DLEC1: variants seen among roughly 807,000 people sequenced by gnomAD.
DLEC1 encodes the protein deleted in lung and esophageal cancer protein 1.
DLEC1 carries 146 observed loss-of-function variants against 198.1 expected under a neutral mutation model. That is an observed-to-expected ratio of 0.74 (90% CI 0.64 to 0.85). DLEC1 has a LOEUF of 0.85. Among genes scored for constraint, DLEC1 ranks in the 40% least tolerant of loss-of-function variants. DLEC1 has a pLI of 0.00. For missense variants in DLEC1, 2,233 were observed against 2,220.0 expected, an observed-to-expected ratio of 1.01 and a Z score of -0.12; for synonymous variants, 897 against 866.8, an observed-to-expected ratio of 1.03 and a Z score of -0.61.
At chr3:38,061,055 G>A (rs763358526) in intron 3 of DLEC1, among the ~76,000 whole-genome samples, 19 of 152,214 alleles carry the variant, frequency 1.2e-4, no homozygotes, top group Non-Finnish European at 2.1e-4. Flanking sequence ...GGGCTAACAT[G>A]TATTGAGAGT....
intron 1 of DLEC1, among the ~76,000 whole-genome samples, chr3:38,042,206 T>G (rs950406493): frequency 2.0e-5 from 3 of 152,122 alleles, no homozygotes; most frequent in Non-Finnish European, 4.4e-5. Flanking sequence ...TTGGCCAGGC[T>G]GGTCTCCAAC....
Position 38,122,339 on chromosome 3 carries a change from A to C in DLEC1, c.5195A>C (p.Glu1732Ala). Reference protein sequence around the residue: ...STMVVEGVLGEKSCTLRLRGQ... With the variant: ...STMVVEGVLGAKSCTLRLRGQ... Reference sequence around the variant, plus strand: ...ATGGTGGTGGAAGGTGTGCTCGGTGAGAAGTCCTGCACCCTGCGGCTCCGG... The same window carrying C: ...ATGGTGGTGGAAGGTGTGCTCGGTGCGAAGTCCTGCACCCTGCGGCTCCGG... Residue 1732 changes from glutamate to alanine, a missense_variant, in exon 37 of 37, where the codon GAG becomes GCG. Glu to Ala is a moderately radical substitution (Grantham distance 107). Coordinates refer to ENST00000308059, the MANE Select transcript of DLEC1 (RefSeq NM_007335.4). The C allele has an allele frequency of 6.2e-7, 1 of 1,614,124 alleles. No homozygotes were observed. The highest frequency in any genetic ancestry group is 8.5e-7 in the Non-Finnish European group (1 of 1,180,022).
chr3:38,052,394 C>T (rs547685762), intron 2 of DLEC1: 6 of 267,570 alleles, frequency 2.2e-5, no homozygotes, highest in Admixed American at 8.3e-5. Context: ...TGGAATGGTT[C>T]GGATAGGTGC....
chr3:38,064,962 C>G (rs1322200076), intron 6 of DLEC1, among the ~76,000 whole-genome samples: 1 of 152,206 alleles, frequency 6.6e-6, no homozygotes, highest in Non-Finnish European at 1.5e-5. Context: ...GCTGCAAACT[C>G]AGCACTTTGG....
At chr3:38,084,371 A>AGTGATGGTGGTAGTAGTG in intron 7 of DLEC1, 126 bp downstream of exon 7, 1 of 680,638 alleles carries the variant, frequency 1.5e-6, no homozygotes, top group Non-Finnish European at 2.2e-6. Context: ...TAGTAGTAGT[A>AGTGATGGTGGTAGTAGTG]GTGATGGTGG....
chr3:38,082,718 C>T (rs1322796625), intron 6 of DLEC1, among the ~76,000 whole-genome samples: 1 of 151,342 alleles, frequency 6.6e-6, no homozygotes, highest in East Asian at 1.9e-4. Context: ...GGGTACTTGC[C>T]CCTCCCCCAG....
At chr3:38,084,875 C>T (rs1378401327) in intron 7 of DLEC1, among the ~76,000 whole-genome samples, 1 of 152,120 alleles carries the variant, frequency 6.6e-6, no homozygotes, top group East Asian at 1.9e-4. Flanking sequence ...CTCTATTCCT[C>T]ACTTAAGCCT....
chr3:38,110,799 TACAC>T (rs377461224), intron 23 of DLEC1, among the ~76,000 whole-genome samples: 1 of 151,634 alleles, frequency 6.6e-6, no homozygotes, highest in Non-Finnish European at 1.5e-5. Context: ...CACGTACATA[TACAC>T]ACACATGCAT....
chr3:38,062,325 A>AT lies in DLEC1; in HGVS notation c.833dup (p.Leu278PhefsTer4). 6.2e-7 allele frequency: 1 copy of AT among 1,614,218 alleles called. No homozygotes were observed. Among genetic ancestry groups the AT allele is most frequent in the Non-Finnish European group, 8.5e-7 (1 of 1,180,036 alleles). ...CACACTGTGGACAGCCTGACATGGA[A>AT]TTTAACTCCTAAGGCCAAAGAAAGG... is the stretch of plus-strand genomic sequence containing the variant. On this transcript the variant is annotated frameshift_variant, in exon 4 of 37. Transcript: ENST00000308059. LOFTEE classifies it high-confidence loss of function.
chr3:38,045,632 T>C lies in DLEC1; in HGVS notation c.501T>C (p.Asn167=), dbSNP rs7630340. The C allele has an allele frequency of 0.056, 90,592 of 1,613,854 alleles. 2,822 individuals are homozygous for C. Among genetic ancestry groups the C allele is most frequent in the Middle Eastern group, 0.14 (828 of 6,060 alleles). ...CCCAAGCACGGGCTATTGCGGAAAA[T>C]GAGCGGGTCATGAGCCAGGCTGGAG... is the stretch of plus-strand genomic sequence containing the variant. ...TQAQARAIAE[N]ERVMSQAGVQ... The change falls in exon 2 of 37, where the codon AAT becomes AAC. Residue 167 remains asparagine, a synonymous_variant. Transcript: ENST00000308059.
chr3:38,091,669 C>A, intron 10 of DLEC1, among the ~76,000 whole-genome samples: 1 of 151,920 alleles, frequency 6.6e-6, no homozygotes. Context: ...AGCAAGAAAA[C>A]AACCTGCTTT....
In DLEC1 at chr3:38,117,285, C is replaced by G; in HGVS notation, c.4383C>G (p.Ser1461Arg). The change falls in exon 31 of 37, where the codon AGC (serine) becomes AGG (arginine). Residue 1461 changes from serine (S) to arginine (R), a missense_variant. Transcript: ENST00000308059. Reference sequence around the variant, plus strand: ...GACCCCTGAAACTGGACCTGCATAGCTACGTGAGGCCTGCACAGTGAGTCA... The same window carrying G: ...GACCCCTGAAACTGGACCTGCATAGGTACGTGAGGCCTGCACAGTGAGTCA... The part of the protein sequence containing the change: ...AVGPLKLDLH[S>R]YVRPAQLSVE... 3 of 1,614,128 alleles carry G rather than the reference C, an allele frequency of 1.9e-6. No homozygotes were observed. Among genetic ancestry groups the G allele is most frequent in the Non-Finnish European group, 2.5e-6 (3 of 1,179,986 alleles).
chr3:38,097,533 T>TTGAACTTTAC lies in DLEC1; in HGVS notation c.2464_2473dup (p.Gly825GlufsTer17). On this transcript the variant is annotated frameshift_variant, in exon 17 of 37. Coordinates refer to ENST00000308059, the MANE Select transcript of DLEC1 (RefSeq NM_007335.4). LOFTEE classifies it high-confidence loss of function. ...GCCCAGTGAGGTCGGGGATTTTGAGTTGAACTTTACTGGGGGTGTCCCTGG... is the reference window on the plus strand; with the variant it reads ...GCCCAGTGAGGTCGGGGATTTTGAGTTGAACTTTACTGAACTTTACTGGGGGTGTCCCTGG... 6.2e-7 allele frequency: 1 copy of TTGAACTTTAC among 1,614,156 alleles called. No individual in the cohort carries two copies. The highest frequency in any genetic ancestry group is 8.5e-7 in the Non-Finnish European group (1 of 1,180,022).
intron 1 of DLEC1, among the ~76,000 whole-genome samples, chr3:38,040,323 G>A (rs1266205399): frequency 6.6e-6 from 1 of 152,110 alleles, no homozygotes; most frequent in Non-Finnish European, 1.5e-5. Flanking sequence ...TAACACATTT[G>A]TTGAATGTCT....
intron 6 of DLEC1, among the ~76,000 whole-genome samples, chr3:38,071,407 G>C (rs983904766): frequency 6.6e-6 from 1 of 152,206 alleles, no homozygotes; most frequent in Non-Finnish European, 1.5e-5. Context: ...TCTAAGAGAC[G>C]GGCTAGCGGC....
chr3:38,066,889 G>C (rs1697058144), intron 6 of DLEC1, among the ~76,000 whole-genome samples: 1 of 152,304 alleles, frequency 6.6e-6, no homozygotes, highest in Admixed American at 6.5e-5. Context: ...TTCTGTGTCT[G>C]GGACTTCTGT....
At chr3:38,050,219 C>T (rs931757162) in intron 2 of DLEC1, among the ~76,000 whole-genome samples, 1 of 152,076 alleles carries the variant, frequency 6.6e-6, no homozygotes, top group Admixed American at 6.5e-5. Flanking sequence ...CAGGCACATA[C>T]CACCACACCC....
intron 10 of DLEC1, among the ~76,000 whole-genome samples, chr3:38,091,309 T>A (rs1051545530): frequency 3.3e-5 from 5 of 151,804 alleles, no homozygotes; most frequent in Non-Finnish European, 7.4e-5. Context: ...ATAAAAAATT[T>A]AAAAAACTAG....
chr3:38,098,020 C>T, intron 18 of DLEC1, 118 bp downstream of exon 18: 1 of 1,360,392 alleles, frequency 7.4e-7, no homozygotes, highest in Non-Finnish European at 1.0e-6. Context: ...GAGGAAAAGC[C>T]TGCCTGGTGA....
Sources: gnomAD v4.1 joint callset for allele counts (sites outside exome capture counted in the v4.1 genomes callset) on GRCh38, gnomAD v4.1.1 for gene constraint, MANE v1.5 for transcripts, NCBI Gene and HGNC (gene_info 2026-07-23, HGNC 2026-07-21) for gene names.